The following CERS6 variants were observed in gnomAD, a reference collection of about 807,000 sequenced individuals.
The protein encoded by CERS6 is ceramide synthase 6.
Under a neutral mutation model 56.8 loss-of-function variants are expected in CERS6, and 26 were observed. The ratio of observed to expected loss-of-function variants is 0.46; its 90% confidence interval spans 0.34 to 0.63. The LOEUF is 0.63. CERS6 is among the 30% of genes least tolerant of loss of function. The pLI is 0.01. For synonymous variants in CERS6, 164 were observed against 173.3 expected, an observed-to-expected ratio of 0.95 and a Z score of 0.42; for missense variants, 415 against 467.5, an observed-to-expected ratio of 0.89 and a Z score of 1.04.
intron 3 of CERS6, among the ~76,000 whole-genome samples, chr2:168,600,248 A>C (rs1363315226): frequency 6.9e-6 from 1 of 144,354 alleles, no homozygotes; most frequent in African/African-American, 2.6e-5. Context: ...TCTGTCGCCC[A>C]GGCTGGAGTG....
intron 3 of CERS6, among the ~76,000 whole-genome samples, chr2:168,621,866 G>A (rs1453160434): frequency 6.6e-6 from 1 of 152,152 alleles, no homozygotes; most frequent in East Asian, 1.9e-4. Context: ...ACAATGACAG[G>A]AAAACAGGAA....
At chr2:168,626,159 A>G (rs559794157) in intron 3 of CERS6, among the ~76,000 whole-genome samples, 123 of 152,284 alleles carry the variant, frequency 8.1e-4, no homozygotes, top group Non-Finnish European at 1.4e-3. Flanking sequence ...AAAAATAAAG[A>G]TGTTGATAAT....
At chr2:168,718,027 C>T (rs746728407) in intron 8 of CERS6, 49 bp downstream of exon 8, 9 of 1,308,794 alleles carry the variant, frequency 6.9e-6, no homozygotes, top group South Asian at 1.3e-5. Flanking sequence ...TCCAAATAAG[C>T]TTTCTGAACC....
At position 168,541,440 on chromosome 2, in the gene CERS6, A is replaced by G. The variant is rs112224637; in HGVS notation, c.171-6156A>G. ...ATGTTAGATTTTGAACAATTGTTCT[A>G]CAAGTCTTCAAAGTCTGTTTATTTC... On this transcript the variant is annotated intron_variant, in intron 1 of 9. Coordinates refer to ENST00000305747, the MANE Select transcript of CERS6 (RefSeq NM_203463.3). Among the ~76,000 whole-genome samples, 1,204 of 151,862 alleles carry G rather than the reference A, an allele frequency of 7.9e-3. 10 individuals carry two copies. The highest frequency in any genetic ancestry group is 0.028 in the African/African-American group (1,142 of 41,468).
intron 8 of CERS6, among the ~76,000 whole-genome samples, chr2:168,735,895 A>AG (rs1553514692): frequency 1.5e-4 from 22 of 151,050 alleles, no homozygotes; most frequent in African/African-American, 5.1e-4. Context: ...AAAAAAAAAA[A>AG]AAAGAAAGAA....
chr2:168,621,620 A>G (rs529450775), intron 3 of CERS6, among the ~76,000 whole-genome samples: 1 of 152,314 alleles, frequency 6.6e-6, no homozygotes, highest in South Asian at 2.1e-4. Flanking sequence ...GACAGATACC[A>G]TTGGTGCTGA....
rs551664668 is a variant in CERS6, at chr2:168,611,279, C to G, written c.408-19706C>G. On this transcript the variant is annotated intron_variant, in intron 3 of 9. Transcript: ENST00000305747. ...TTATTTCAGTGGGGTATTGAAATAG[C>G]CACATTCCCCAGCATTATCAGCATA... Among the ~76,000 whole-genome samples, 3 of 152,252 alleles carry G rather than the reference C, an allele frequency of 2.0e-5. No individual in the cohort carries two copies. The South Asian group carries it at 6.2e-4, about 32-fold the overall frequency.
intron 4 of CERS6, among the ~76,000 whole-genome samples, chr2:168,677,655 G>A (rs1309636676): frequency 2.6e-5 from 4 of 151,930 alleles, no homozygotes; most frequent in Non-Finnish European, 5.9e-5. Flanking sequence ...GCACCACCAC[G>A]CCTGGCTAAT....
intron 8 of CERS6, among the ~76,000 whole-genome samples, chr2:168,746,194 C>T (rs761150278): frequency 1.3e-5 from 2 of 152,142 alleles, no homozygotes; most frequent in Non-Finnish European, 2.9e-5. Context: ...GGAGGCCCCA[C>T]CCAGCACCTT....
At chr2:168,481,898 G>C (rs1558965953) in intron 1 of CERS6, among the ~76,000 whole-genome samples, 1 of 152,210 alleles carries the variant, frequency 6.6e-6, no homozygotes, top group Non-Finnish European at 1.5e-5. Context: ...TTTTGGTTTA[G>C]AAGTTATTTC....
rs1684959340 is a variant in CERS6 at position 168,774,744 on chromosome 2, G to C, written c.*5082G>C. 1.3e-5 allele frequency: 2 copies of C among 151,968 alleles called. No individual in the cohort carries two copies. The highest frequency in any genetic ancestry group is 4.8e-5 in the African/African-American group (2 of 41,358). The allele number at this position is 151,968 out of a possible 1,614,324, so 9.4% of individuals were successfully genotyped here. A position where few individuals can be genotyped will look rare whatever the true frequency, so the allele number is the denominator to read the frequency against. On this transcript the variant is annotated 3_prime_UTR_variant, in exon 10 of 10. Coordinates refer to ENST00000305747, the MANE Select transcript of CERS6 (RefSeq NM_203463.3). Reference sequence around the variant, plus strand: ...ACTTTAAGAATGGAAAACAACCTCTGAGTTTGATTTCCCAAAGTTTCATAA... The same window carrying C: ...ACTTTAAGAATGGAAAACAACCTCTCAGTTTGATTTCCCAAAGTTTCATAA...
chr2:168,771,279 A>G lies in CERS6; in HGVS notation c.*1617A>G, dbSNP rs1331536557. 2 of 152,190 alleles carry G rather than the reference A, an allele frequency of 1.3e-5. No individual in the cohort carries two copies. Among genetic ancestry groups the G allele is most frequent in the Non-Finnish European group, 2.9e-5 (2 of 68,036 alleles). 9.4% of individuals were successfully genotyped at this position (152,190 alleles called of 1,614,324 possible). On this transcript the variant is annotated 3_prime_UTR_variant, in exon 10 of 10. Coordinates refer to ENST00000305747, the MANE Select transcript of CERS6 (RefSeq NM_203463.3). ...TAAAGCTTTTTGCCCACAATTTGCA[A>G]TCTGTGGGTTAATAGTTAAAAGAAT...
At chr2:168,463,095 A>T (rs1693806325) in intron 1 of CERS6, among the ~76,000 whole-genome samples, 1 of 152,184 alleles carries the variant, frequency 6.6e-6, no homozygotes, top group South Asian at 2.1e-4. Flanking sequence ...GTGGATACTA[A>T]TTTTTCCCCA....
intron 1 of CERS6, among the ~76,000 whole-genome samples, chr2:168,467,968 T>C (rs1693910617): frequency 6.6e-6 from 1 of 152,212 alleles, no homozygotes; most frequent in Non-Finnish European, 1.5e-5. Context: ...ACTTGTTCTA[T>C]TGAAGAGTAA....
At chr2:168,576,503 C>A (rs1208668854) in intron 3 of CERS6, among the ~76,000 whole-genome samples, 1 of 152,156 alleles carries the variant, frequency 6.6e-6, no homozygotes, top group Non-Finnish European at 1.5e-5. Context: ...CCTTCAATTT[C>A]TTTTATATTT....
chr2:168,544,523 C>T (rs1163934298), intron 1 of CERS6, among the ~76,000 whole-genome samples: 2 of 152,138 alleles, frequency 1.3e-5, no homozygotes, highest in East Asian at 1.9e-4. Context: ...GCACCTGTTA[C>T]ACCAACTCTT....
At position 168,472,779 on chromosome 2, in the gene CERS6, A is replaced by C. The variant is rs1045476056; in HGVS notation, c.170+16161A>C. 3.3e-5 allele frequency among the ~76,000 whole-genome samples: 5 copies of C among 152,326 alleles called. No individual in the cohort carries two copies. In the South Asian group the frequency reaches 1.0e-3, roughly 32 times the overall value. ...AAAAGATAAACAGATTAAGGATGTT[A>C]AATAGGATAGGTGTATAAGTTTGTT... On this transcript the variant is annotated intron_variant, in intron 1 of 9. Transcript: ENST00000305747.
At chr2:168,625,958 A>G (rs1203323239) in intron 3 of CERS6, among the ~76,000 whole-genome samples, 2 of 152,314 alleles carry the variant, frequency 1.3e-5, no homozygotes, top group African/African-American at 2.4e-5. Flanking sequence ...TAGAAACATC[A>G]TTTTAGCTGA....
At chr2:168,505,566 G>A (rs1222744206) in intron 1 of CERS6, among the ~76,000 whole-genome samples, 1 of 152,074 alleles carries the variant, frequency 6.6e-6, no homozygotes, top group Admixed American at 6.6e-5. Context: ...GAGTGACCCT[G>A]ACCGTTTATA....
Sources: allele counts gnomAD v4.1 joint callset (sites outside exome capture counted in the v4.1 genomes callset), GRCh38; gene constraint gnomAD v4.1.1; transcripts MANE v1.5; gene names NCBI Gene and HGNC (gene_info 2026-07-23, HGNC 2026-07-21).